Variants in TTLL9 observed in about 807,000 individuals in gnomAD.
The protein encoded by TTLL9 is probable tubulin polyglutamylase TTLL9.
A neutral mutation model predicts 65.6 loss-of-function variants in TTLL9; 47 were observed. The ratio of observed to expected loss-of-function variants is 0.72; its 90% CI spans 0.57 to 0.91. The LOEUF (loss-of-function observed/expected upper bound fraction) is 0.91, where lower values mean the gene tolerates loss of function less well. TTLL9 is among the 40% of genes least tolerant of loss of function. The probability of loss-of-function intolerance (pLI) is 0.00; values close to 1 mark genes in which losing one functional copy is unlikely to be tolerated. For missense variants in TTLL9, 537 were observed against 568.8 expected (o/e 0.94, Z 0.57); for synonymous variants, 179 against 204.8 (o/e 0.87, Z 1.07).
chr20:31,886,588 G>A (rs1039030096), intron 2 of TTLL9, among the ~76,000 whole-genome samples: 1 of 151,734 alleles, frequency 6.6e-6, no homozygotes, highest in Non-Finnish European at 1.5e-5. Flanking sequence ...GGGAGGCTGA[G>A]GTGGGTGGAT....
intron 4 of TTLL9, among the ~76,000 whole-genome samples, chr20:31,907,942 GCT>G (rs2123498085): frequency 6.6e-6 from 1 of 152,220 alleles, no homozygotes; most frequent in East Asian, 1.9e-4. Context: ...CCGCACCCCA[GCT>G]CTGGCACCCA....
chr20:31,897,011 G>A (rs2063397487), intron 3 of TTLL9, among the ~76,000 whole-genome samples: 1 of 152,146 alleles, frequency 6.6e-6, no homozygotes, highest in African/African-American at 2.4e-5. Flanking sequence ...ACTGTCTTTG[G>A]TTTTGATATC....
intron 6 of TTLL9, among the ~76,000 whole-genome samples, chr20:31,917,212 C>G (rs904149788): frequency 2.0e-5 from 3 of 152,098 alleles, no homozygotes; most frequent in Non-Finnish European, 4.4e-5. Flanking sequence ...CCTCAGCAGC[C>G]CTCTCAGGCC....
intron 14 of TTLL9, among the ~76,000 whole-genome samples, chr20:31,941,895 T>C (rs1304475538): frequency 6.6e-6 from 1 of 152,202 alleles, no homozygotes; most frequent in Non-Finnish European, 1.5e-5. Context: ...AGAGTACTGA[T>C]GAACTGAGTT....
At chr20:31,912,173 A>G (rs1157871600) in intron 6 of TTLL9, among the ~76,000 whole-genome samples, 2 of 152,072 alleles carry the variant, frequency 1.3e-5, no homozygotes, top group South Asian at 2.1e-4. Context: ...ATAATTGACC[A>G]TTTTCATTGT....
chr20:31,924,815 G>A (rs897637007), intron 8 of TTLL9, among the ~76,000 whole-genome samples, 194 bp from the exon 9 acceptor site: 14 of 152,044 alleles, frequency 9.2e-5, no homozygotes, highest in African/African-American at 2.7e-4. Flanking sequence ...GGCCTCAAGC[G>A]ATCCTCCTGC....
chr20:31,912,623 G>A (rs1005319350), intron 6 of TTLL9, among the ~76,000 whole-genome samples: 50 of 151,530 alleles, frequency 3.3e-4, no homozygotes, highest in Non-Finnish European at 6.3e-4. Flanking sequence ...GTGTGTGTGT[G>A]TGTGTGTGTG....
chr20:31,933,751 A>G (rs1236333801), intron 10 of TTLL9, 49 bp from the exon 11 acceptor site: 1 of 1,589,012 alleles, frequency 6.3e-7, no homozygotes, highest in Non-Finnish European at 8.6e-7. Context: ...CGTGGGGCAG[A>G]GCTCACCCTT....
chr20:31,908,533 C>A, intron 4 of TTLL9, 58 bp from the exon 5 acceptor site: 1 of 1,270,542 alleles, frequency 7.9e-7, no homozygotes, highest in South Asian at 1.2e-5. Flanking sequence ...TCCCTGGGCC[C>A]TGCAGTGCCA....
At chr20:31,875,609 C>T (rs1452240376) in intron 2 of TTLL9, among the ~76,000 whole-genome samples, 1 of 152,172 alleles carries the variant, frequency 6.6e-6, no homozygotes, top group African/African-American at 2.4e-5. Context: ...TCCTGGAAGT[C>T]TTTACTGACT....
chr20:31,897,951 G>A (rs1239288773), intron 3 of TTLL9, among the ~76,000 whole-genome samples: 2 of 152,146 alleles, frequency 1.3e-5, no homozygotes, highest in East Asian at 3.9e-4. Flanking sequence ...CTGGGTTGGT[G>A]GCTTTTCATC....
intron 12 of TTLL9, 76 bp downstream of exon 12, chr20:31,934,964 A>G: frequency 7.3e-7 from 1 of 1,365,818 alleles, no homozygotes; most frequent in Non-Finnish European, 1.0e-6. Flanking sequence ...TTTGAATCCC[A>G]GCTCTGCCAA....
rs991172611 is a variant in TTLL9, at chr20:31,915,248, G to C, written c.505-4616G>C. Among the ~76,000 whole-genome samples the C allele has an allele frequency of 4.6e-5, 7 of 152,330 alleles. No individual in the cohort carries two copies. The East Asian group carries it at 9.7e-4, about 21-fold the overall frequency. On this transcript the variant is annotated intron_variant, in intron 6 of 14. Transcript: ENST00000535842. Reference sequence around the variant, plus strand: ...TGTAATCCCAGCACTTTGGGAGGCTGAGGCGGGCGGATCACGAGGTCAGGA... The same window carrying C: ...TGTAATCCCAGCACTTTGGGAGGCTCAGGCGGGCGGATCACGAGGTCAGGA...
At chr20:31,920,229 G>GCACACACACA (rs3046855) in intron 7 of TTLL9, among the ~76,000 whole-genome samples, 4 of 150,426 alleles carry the variant, frequency 2.7e-5, no homozygotes, top group Non-Finnish European at 4.4e-5. Context: ...GCAAACACGC[G>GCACACACACA]CACACACACA....
At chr20:31,938,377 G>C in intron 13 of TTLL9, 1 of 360,084 alleles carries the variant, frequency 2.8e-6, no homozygotes, top group Non-Finnish European at 5.6e-6. Context: ...CTCTTGGACT[G>C]AAAGAAGGTG....
chr20:31,930,833 C>T (rs2063995957), intron 10 of TTLL9, among the ~76,000 whole-genome samples: 1 of 152,140 alleles, frequency 6.6e-6, no homozygotes. Flanking sequence ...GACCATTGGT[C>T]CACTGAGACC....
chr20:31,926,105 C>A lies in TTLL9; in HGVS notation c.748+14C>A. 3 of 1,566,106 alleles carry A rather than the reference C, an allele frequency of 1.9e-6. No individual in the cohort carries two copies. The highest frequency in any genetic ancestry group is 2.2e-5 in the South Asian group (2 of 89,994). ...ACAGGAGACAGGGTATGAGATAGGT[C>A]TGGTCCCTTCCCTCCGGGAGCTTCC... On this transcript the variant is annotated intron_variant, in intron 10 of 14. Coordinates refer to ENST00000535842, the MANE Select transcript of TTLL9 (RefSeq NM_001008409.5).
At chr20:31,939,421 C>A in intron 14 of TTLL9, 155 bp downstream of exon 14, 3 of 798,504 alleles carry the variant, frequency 3.8e-6, no homozygotes, top group Non-Finnish European at 5.3e-6. Context: ...AACCTCTGTT[C>A]CTCGTTTTTA....
Position 31,913,984 on chromosome 20 carries a change from C to G in TTLL9, c.504+4062C>G, listed in dbSNP as rs115927383. Among the ~76,000 whole-genome samples, 949 of 152,300 alleles carry G rather than the reference C, an allele frequency of 6.2e-3. 7 individuals are homozygous for G. Among genetic ancestry groups the G allele is most frequent in the African/African-American group, 0.021 (879 of 41,556 alleles). ...GCCTGTCAGTCTCTCTGTGTGCCCC[C>G]CAAGCTGCTCAGGGACAGGGCCTAT... On this transcript the variant is annotated intron_variant, in intron 6 of 14. Coordinates refer to ENST00000535842, the MANE Select transcript of TTLL9 (RefSeq NM_001008409.5).
Sources: gnomAD v4.1 joint callset for allele counts (sites outside exome capture counted in the v4.1 genomes callset) on GRCh38, gnomAD v4.1.1 for gene constraint, MANE v1.5 for transcripts, NCBI Gene and HGNC (gene_info 2026-07-23, HGNC 2026-07-21) for gene names.